Variants in CAND1 observed in about 807,000 individuals in gnomAD.
The protein encoded by CAND1 is cullin associated and neddylation dissociated 1.
In CAND1, 7 loss-of-function variants were observed where a neutral mutation model predicts 108.5. The observed-to-expected ratio is 0.06, with a 90% confidence interval of 0.04 to 0.12. CAND1 has a LOEUF of 0.12. Among genes scored for constraint, CAND1 ranks in the 10% least tolerant of loss-of-function variants. The pLI is 1.00. For synonymous variants in CAND1, 534 were observed against 512.0 expected, an observed-to-expected ratio of 1.04 and a Z score of -0.58; for missense variants, 941 against 1,448.7, an observed-to-expected ratio of 0.65 and a Z score of 5.69.
Position 67,305,776 on chromosome 12 carries a change from A to T in CAND1, c.2108A>T (p.Glu703Val). 2 of 1,614,170 alleles carry T rather than the reference A, an allele frequency of 1.2e-6. No individual in the cohort carries two copies. Among genetic ancestry groups the T allele is most frequent in the Non-Finnish European group, 1.7e-6 (2 of 1,180,002 alleles). ...VLDELPPLIS[E>V]SDMHVSQMAI... The stretch of plus-strand genomic sequence containing the variant: ...GATGAGCTCCCACCTCTTATCAGCG[A>T]AAGTGATATGCATGTTTCACAAATG... Residue 703 changes from glutamate (E) to valine (V), a missense_variant, in exon 10 of 15, where the codon GAA becomes GTA. By Grantham distance (121) the Glu-to-Val change is moderately radical. This residue lies in a region of CAND1 where 697 missense variants were observed against 942.0 expected (regional missense o/e 0.74). Transcript: ENST00000545606. The surrounding 1 kb of genome is among the most constrained non-coding windows in gnomAD (Gnocchi z 4.4).
chr12:67,278,565 C>A (rs543366489), intron 1 of CAND1, among the ~76,000 whole-genome samples: 68 of 152,226 alleles, frequency 4.5e-4, no homozygotes, highest in African/African-American at 7.5e-4. Context: ...GTCACCTAGG[C>A]TGTAGTGCAG....
Position 67,305,302 on chromosome 12 carries a change from A to G in CAND1, c.1634A>G (p.Gln545Arg). The G allele has an allele frequency of 6.2e-7, 1 of 1,614,176 alleles. No homozygotes were observed. The highest frequency in any genetic ancestry group is 8.5e-7 in the Non-Finnish European group (1 of 1,180,016). ...ITSEALLVTQ[Q>R]LVKVIRPLDQ... ...TCTGAAGCACTTCTTGTTACTCAAC[A>G]GCTTGTCAAAGTAATTCGTCCTTTA... The change falls in exon 10 of 15, where the codon CAG becomes CGG. Residue 545 changes from glutamine (Q) to arginine (R), a missense_variant. By Grantham distance (43) the Gln-to-Arg change is conservative (BLOSUM62 1). Transcript: ENST00000545606. This position sits in a 1 kb window ranked among gnomAD's most constrained non-coding sequence, Gnocchi z 4.4.
intron 6 of CAND1, among the ~76,000 whole-genome samples, chr12:67,298,686 G>A (rs2044792810): frequency 6.6e-6 from 1 of 152,074 alleles, no homozygotes; most frequent in African/African-American, 2.4e-5. Context: ...ACCGATTTCT[G>A]TCTATACTGC....
rs2045041263 is a variant in CAND1, at chr12:67,319,672, C to G, written c.*6842C>G. 1 of 152,154 alleles carries G rather than the reference C, an allele frequency of 6.6e-6. No homozygotes were observed. The highest frequency in any genetic ancestry group is 6.5e-5 in the Admixed American group (1 of 15,276). The allele number at this position is 152,154 out of a possible 1,614,324, so 9.4% of individuals were successfully genotyped here. ...ACTAGTCCAGCTGTTCACAAACAGC[C>G]CTTAATGTCAAACTGAATACTGCCA... On this transcript the variant is annotated 3_prime_UTR_variant, in exon 15 of 15. Coordinates refer to ENST00000545606, the MANE Select transcript of CAND1 (RefSeq NM_018448.5).
chr12:67,296,278 G>A lies in CAND1; in HGVS notation c.491+1122G>A, dbSNP rs533344232. On this transcript the variant is annotated intron_variant, in intron 4 of 14. Transcript: ENST00000545606. ...ACTATACATTTGAGATGATTTGGAA[G>A]AGGGGTGTTGGAACAACAGGAACAA... Among the ~76,000 whole-genome samples, 33 of 152,164 alleles carry A rather than the reference G, an allele frequency of 2.2e-4. 2 individuals carry two copies. The highest frequency in any genetic ancestry group is 7.7e-4 in the African/African-American group (32 of 41,534).
intron 2 of CAND1, among the ~76,000 whole-genome samples, chr12:67,284,806 C>A: frequency 6.7e-6 from 1 of 149,992 alleles, no homozygotes; most frequent in East Asian, 1.9e-4. Flanking sequence ...CACACACTTA[C>A]TTCAGCCCAA....
At chr12:67,272,150 G>A (rs2044526501) in intron 1 of CAND1, among the ~76,000 whole-genome samples, 2 of 152,330 alleles carry the variant, frequency 1.3e-5, no homozygotes, top group Non-Finnish European at 2.9e-5. Context: ...ATTATGGAAT[G>A]ACCAACATGT....
chr12:67,271,617 TGAAA>T (rs1381342981), intron 1 of CAND1, among the ~76,000 whole-genome samples: 2 of 152,184 alleles, frequency 1.3e-5, no homozygotes, highest in Non-Finnish European at 2.9e-5. Flanking sequence ...ATAAATTACA[TGAAA>T]GAAATAGTGC....
At chr12:67,271,228 G>T (rs1291555829) in intron 1 of CAND1, among the ~76,000 whole-genome samples, 1 of 152,084 alleles carries the variant, frequency 6.6e-6, no homozygotes, top group Non-Finnish European at 1.5e-5. Flanking sequence ...TAGTTCTAGG[G>T]CCAAAATTAA....
chr12:67,288,675 C>CTATG (rs1437506354), intron 2 of CAND1, among the ~76,000 whole-genome samples: 1 of 152,180 alleles, frequency 6.6e-6, no homozygotes, highest in African/African-American at 2.4e-5. Context: ...ACTTCAAATA[C>CTATG]TATGACAAGT....
At chr12:67,312,169 T>C (rs2044958128) in intron 14 of CAND1, among the ~76,000 whole-genome samples, 1 of 19,784 alleles carries the variant, frequency 5.1e-5, no homozygotes. Context: ...AAATCAAGAT[T>C]TTTTTTTTTT....
At chr12:67,285,070 A>G (rs1463725410) in intron 2 of CAND1, among the ~76,000 whole-genome samples, 1 of 152,226 alleles carries the variant, frequency 6.6e-6, no homozygotes, top group Non-Finnish European at 1.5e-5. Flanking sequence ...TTTGATAAGT[A>G]GCTTTTCATG....
At chr12:67,283,735 A>C (rs1295735327) in intron 2 of CAND1, among the ~76,000 whole-genome samples, 1 of 152,210 alleles carries the variant, frequency 6.6e-6, no homozygotes, top group African/African-American at 2.4e-5. Flanking sequence ...ACCTTTTAAA[A>C]AAATAAGTCT....
chr12:67,294,913 TGG>T (rs1368207019), intron 3 of CAND1, 118 bp from the exon 4 acceptor site: 1 of 987,074 alleles, frequency 1.0e-6, no homozygotes, highest in African/African-American at 1.6e-5. Context: ...TTTTCTGCCC[TGG>T]ATCTGTTGTG....
In CAND1 at chr12:67,318,546, T is replaced by C. The variant is rs1235655714; in HGVS notation, c.*5716T>C. On this transcript the variant is annotated 3_prime_UTR_variant, in exon 15 of 15. Transcript: ENST00000545606. ...TTCTGTCCCTTTTATTTCCTAAATATCTCTCATGCCCATCTCCTAAATATC... is the reference window on the plus strand; with the variant it reads ...TTCTGTCCCTTTTATTTCCTAAATACCTCTCATGCCCATCTCCTAAATATC... 1 of 152,208 alleles carries C rather than the reference T, an allele frequency of 6.6e-6. No homozygotes were observed. The highest frequency in any genetic ancestry group is 2.4e-5 in the African/African-American group (1 of 41,444). 9.4% of individuals were successfully genotyped at this position (152,208 alleles called of 1,614,324 possible). A position where few individuals can be genotyped will look rare whatever the true frequency, so the allele number is the denominator to read the frequency against.
At chr12:67,272,889 G>T (rs2044533960) in intron 1 of CAND1, among the ~76,000 whole-genome samples, 1 of 152,064 alleles carries the variant, frequency 6.6e-6, no homozygotes, top group Non-Finnish European at 1.5e-5. Flanking sequence ...TCAAGACGGG[G>T]TTTCACCATG....
intron 10 of CAND1, among the ~76,000 whole-genome samples, chr12:67,307,125 A>G (rs752261662): frequency 2.8e-4 from 43 of 152,094 alleles, no homozygotes; most frequent in Non-Finnish European, 5.1e-4. Flanking sequence ...AGCTAGTTCT[A>G]TTTTGTGAGG....
At chr12:67,275,197 A>G (rs1392767145) in intron 1 of CAND1, among the ~76,000 whole-genome samples, 1 of 152,116 alleles carries the variant, frequency 6.6e-6, no homozygotes, top group African/African-American at 2.4e-5. Context: ...AAAGATTAGT[A>G]AAAATTAGAT....
Position 67,295,121 on chromosome 12 carries a change from A to G in CAND1, c.456A>G (p.Leu152=). ...AACAGGAAGATGTCTCTGTTCAGCT[A>G]GAAGCCTTGGATATTATGGCTGATA... ...IAKQEDVSVQ[L]EALDIMADML... is the part of the protein sequence containing the mutation. The change falls in exon 4 of 15, where the codon CTA becomes CTG. Residue 152 remains leucine, a synonymous_variant. Transcript: ENST00000545606. The G allele has an allele frequency of 1.2e-6, 2 of 1,613,066 alleles. No homozygotes were observed. The highest frequency in any genetic ancestry group is 1.7e-6 in the Non-Finnish European group (2 of 1,179,342).
Sources: gnomAD v4.1 joint callset for allele counts (sites outside exome capture counted in the v4.1 genomes callset) on GRCh38, gnomAD v4.1.1 for gene constraint, gnomAD v4.1.1 regional missense constraint, Gnocchi (gnomAD v3.1) non-coding constraint, MANE v1.5 for transcripts, NCBI Gene and HGNC (gene_info 2026-07-23, HGNC 2026-07-21) for gene names.